LPAR3: variants seen among roughly 807,000 people sequenced by gnomAD.
LPAR3 encodes the protein LPA receptor 3.
Under a neutral mutation model 17.8 loss-of-function variants are expected in LPAR3, and 7 were observed. The observed-to-expected ratio is 0.39, with a 90% CI of 0.22 to 0.74. The LOEUF (loss-of-function observed/expected upper bound fraction) is 0.74, where lower values mean the gene tolerates loss of function less well. Ranked by LOEUF, LPAR3 falls within the 30% of genes least tolerant of loss-of-function variation. The pLI is 0.40. For missense variants in LPAR3, 391 were observed against 453.4 expected (o/e 0.86, Z 1.25); for synonymous variants, 179 against 179.9 (o/e 0.99, Z 0.04).
At chr1:84,818,140 G>A (rs1031993333) in intron 2 of LPAR3, among the ~76,000 whole-genome samples, 2 of 151,942 alleles carry the variant, frequency 1.3e-5, no homozygotes, top group African/African-American at 2.4e-5. Flanking sequence ...CATTCCCAAG[G>A]GTTTTTATAA....
At chr1:84,884,172 G>A (rs1396398740) in intron 1 of LPAR3, among the ~76,000 whole-genome samples, 1 of 152,158 alleles carries the variant, frequency 6.6e-6, no homozygotes, top group Non-Finnish European at 1.5e-5. Flanking sequence ...TAGGCTCTTA[G>A]CAAATCGGGT....
chr1:84,860,649 C>A (rs1370592950), intron 2 of LPAR3, among the ~76,000 whole-genome samples: 1 of 151,662 alleles, frequency 6.6e-6, no homozygotes, highest in Non-Finnish European at 1.5e-5. Context: ...CTCTTAGATA[C>A]TGTTTAATAG....
intron 2 of LPAR3, among the ~76,000 whole-genome samples, chr1:84,842,944 G>T (rs1317533373): frequency 6.6e-6 from 1 of 152,160 alleles, no homozygotes; most frequent in Non-Finnish European, 1.5e-5. Context: ...GGAAATGAAA[G>T]CCACCCAATA....
intron 2 of LPAR3, among the ~76,000 whole-genome samples, chr1:84,841,998 GA>G (rs1010459221): frequency 4.9e-4 from 73 of 149,042 alleles, no homozygotes; most frequent in African/African-American, 1.0e-3. Flanking sequence ...AAGCAGGACA[GA>G]AAAAAAAAAG....
At chr1:84,837,244 A>G (rs1285138839) in intron 2 of LPAR3, among the ~76,000 whole-genome samples, 1 of 152,178 alleles carries the variant, frequency 6.6e-6, no homozygotes, top group East Asian at 1.9e-4. Flanking sequence ...GGTGGTCTCG[A>G]TCTCCCAACC....
intron 1 of LPAR3, among the ~76,000 whole-genome samples, chr1:84,869,985 T>C (rs1660128718): frequency 6.6e-6 from 1 of 152,208 alleles, no homozygotes; most frequent in South Asian, 2.1e-4. Context: ...AAACATTGCC[T>C]AATGCCATCA....
intron 1 of LPAR3, among the ~76,000 whole-genome samples, chr1:84,878,430 C>A (rs1316544375): frequency 6.6e-6 from 1 of 152,074 alleles, no homozygotes; most frequent in Non-Finnish European, 1.5e-5. Context: ...CCTTTAAATT[C>A]TCTTCTACCA....
intron 2 of LPAR3, among the ~76,000 whole-genome samples, chr1:84,818,181 T>C (rs1403508068): frequency 2.6e-5 from 4 of 152,232 alleles, no homozygotes; most frequent in Non-Finnish European, 5.9e-5. Context: ...TATACAATGA[T>C]TAAAACAGCA....
intron 2 of LPAR3, among the ~76,000 whole-genome samples, chr1:84,858,547 C>G (rs981606514): frequency 6.6e-5 from 10 of 151,630 alleles, no homozygotes; most frequent in African/African-American, 2.4e-4. Flanking sequence ...CCTTGTCTAC[C>G]TGACAGGCAT....
rs143827960 is a variant in LPAR3, at chr1:84,819,052, G to A, written c.737-4881C>T. Reference sequence around the variant, plus strand: ...GACTCTATTAAATCTCGACTTACATGTTTAACAAAGTATAAAGTTGGCCAG... The same window carrying A: ...GACTCTATTAAATCTCGACTTACATATTTAACAAAGTATAAAGTTGGCCAG... On this transcript the variant is annotated intron_variant, in intron 2 of 2. Transcript: ENST00000370611. Among the ~76,000 whole-genome samples, 240 of 152,028 alleles carry A rather than the reference G, an allele frequency of 1.6e-3. 1 individual carries two copies. Among genetic ancestry groups the A allele is most frequent in the African/African-American group, 5.4e-3 (225 of 41,458 alleles).
chr1:84,859,553 A>T (rs1659895672), intron 2 of LPAR3, among the ~76,000 whole-genome samples: 2 of 152,216 alleles, frequency 1.3e-5, no homozygotes, highest in Admixed American at 6.5e-5. Flanking sequence ...AATACATTTT[A>T]TATCACAACC....
chr1:84,827,684 C>T (rs950734580), intron 2 of LPAR3, among the ~76,000 whole-genome samples: 1 of 152,130 alleles, frequency 6.6e-6, no homozygotes, highest in Non-Finnish European at 1.5e-5. Flanking sequence ...TTACAGTTGA[C>T]TTAGAAAGCA....
At chr1:84,870,380 T>C (rs1450549031) in intron 1 of LPAR3, among the ~76,000 whole-genome samples, 1 of 152,246 alleles carries the variant, frequency 6.6e-6, no homozygotes, top group Non-Finnish European at 1.5e-5. Context: ...CTGCCTATTA[T>C]GCTCATATCT....
intron 1 of LPAR3, among the ~76,000 whole-genome samples, chr1:84,879,345 T>C (rs1660320614): frequency 7.5e-6 from 1 of 133,936 alleles, no homozygotes; most frequent in African/African-American, 3.1e-5. Context: ...GGAATCTCGC[T>C]GTGTCGCCCA....
chr1:84,868,636 T>C (rs1020183090), intron 1 of LPAR3, among the ~76,000 whole-genome samples: 4 of 152,124 alleles, frequency 2.6e-5, no homozygotes, highest in African/African-American at 9.7e-5. Context: ...GTGATATTAA[T>C]AGGTGGGGAC....
At chr1:84,844,420 G>A (rs1293291934) in intron 2 of LPAR3, among the ~76,000 whole-genome samples, 1 of 152,204 alleles carries the variant, frequency 6.6e-6, no homozygotes, top group Non-Finnish European at 1.5e-5. Flanking sequence ...GTTTGTGGGA[G>A]TGGAGATTGA....
chr1:84,873,155 G>A (rs958174384), intron 1 of LPAR3, among the ~76,000 whole-genome samples: 4 of 152,140 alleles, frequency 2.6e-5, no homozygotes, highest in Admixed American at 1.3e-4. Flanking sequence ...GTGGGATCCC[G>A]GAACACCGAA....
At chr1:84,875,627 T>C (rs1192869393) in intron 1 of LPAR3, among the ~76,000 whole-genome samples, 2 of 152,252 alleles carry the variant, frequency 1.3e-5, no homozygotes, top group Non-Finnish European at 2.9e-5. Flanking sequence ...AATACATTTA[T>C]TTTCTTTATA....
chr1:84,863,600 C>A (rs1345084529), intron 2 of LPAR3, among the ~76,000 whole-genome samples: 1 of 152,166 alleles, frequency 6.6e-6, no homozygotes, highest in Non-Finnish European at 1.5e-5. Context: ...TCCTTCATAT[C>A]CACATTCACG....
Sources: allele counts gnomAD v4.1 joint callset (sites outside exome capture counted in the v4.1 genomes callset), GRCh38; gene constraint gnomAD v4.1.1; transcripts MANE v1.5; gene names NCBI Gene and HGNC (gene_info 2026-07-23, HGNC 2026-07-21).